The following DNAH10 variants were observed in gnomAD, a reference collection of about 807,000 sequenced individuals.
DNAH10 encodes dynein axonemal heavy chain 10.
DNAH10 carries 348 observed loss-of-function variants against 506.6 expected under a neutral mutation model. That is an observed-to-expected ratio of 0.69 (90% CI 0.63 to 0.75). DNAH10 has a LOEUF of 0.75. DNAH10 is among the 30% of genes least tolerant of loss of function. DNAH10 has a pLI of 0.00. For missense variants in DNAH10, 5,179 were observed against 5,787.1 expected, an observed-to-expected ratio of 0.89 and a Z score of 3.41; for synonymous variants, 2,059 against 2,198.6, an observed-to-expected ratio of 0.94 and a Z score of 1.78.
At chr12:123,838,149 A>G (rs1323899289) in intron 28 of DNAH10, among the ~76,000 whole-genome samples, 1 of 152,070 alleles carries the variant, frequency 6.6e-6, no homozygotes, top group East Asian at 1.9e-4. Context: ...GCACTTCTGT[A>G]GGGTGGGGTG....
At chr12:123,835,613 C>G (rs911493575) in intron 28 of DNAH10, 85 bp downstream of exon 28, 14 of 1,501,412 alleles carry the variant, frequency 9.3e-6, no homozygotes, top group Non-Finnish European at 7.1e-6. Flanking sequence ...ATTGTATTTT[C>G]TCCATTAGTA....
At position 123,927,966 on chromosome 12, in the gene DNAH10, G is replaced by T. The variant is rs556663050; in HGVS notation, c.12106-421G>T. The T allele has an allele frequency of 5.0e-5, 10 of 198,914 alleles. No homozygotes were observed. The South Asian group carries it at 1.4e-3, about 27-fold the overall frequency. 12.3% of individuals were successfully genotyped at this position (198,914 alleles called of 1,614,324 possible). A position where few individuals can be genotyped will look rare whatever the true frequency, so the allele number is the denominator to read the frequency against. ...TGTTTGTGCTTTGAATTACATTTGG[G>T]AGGGGACATGGTGATTGTTTTCCAG... On this transcript the variant is annotated intron_variant, in intron 69 of 78. Coordinates refer to ENST00000673944, the MANE Select transcript of DNAH10 (RefSeq NM_001372106.1).
rs1293933734 is a variant in DNAH10 at position 123,793,528 on chromosome 12, C to T, written c.1816-414C>T. 2.6e-5 allele frequency among the ~76,000 whole-genome samples: 4 copies of T among 152,062 alleles called. No homozygotes were observed. In the South Asian group the frequency reaches 6.2e-4, roughly 24 times the overall value. Reference sequence around the variant, plus strand: ...TAATTTTTTGTATTGTTAGTAGAGACGGGGTTTCACCGTGTTAGCCAGGAT... The same window carrying T: ...TAATTTTTTGTATTGTTAGTAGAGATGGGGTTTCACCGTGTTAGCCAGGAT... On this transcript the variant is annotated intron_variant, in intron 11 of 78. Transcript: ENST00000673944.
chr12:123,797,780 A>C (rs1418657779), intron 13 of DNAH10, among the ~76,000 whole-genome samples: 1 of 152,190 alleles, frequency 6.6e-6, no homozygotes, highest in East Asian at 1.9e-4. Context: ...TTGAATTTTC[A>C]GCTTCTTTGG....
intron 2 of DNAH10, 135 bp from the exon 3 acceptor site, chr12:123,771,466 C>G (rs530398696): frequency 4.1e-6 from 3 of 723,464 alleles, no homozygotes; most frequent in Non-Finnish European, 7.3e-6. Context: ...TTGATTGGAA[C>G]AGAAGGTATG....
At position 123,820,866 on chromosome 12, in the gene DNAH10, C is replaced by T. The variant is rs1050082991; in HGVS notation, c.4179+108C>T. ...ACCATAATAATGAGCTTGGGTCTGA[C>T]GTTGTGGAAACGCTCATTTTGGCCG... On this transcript the variant is annotated intron_variant, in intron 24 of 78. Coordinates refer to ENST00000673944, the MANE Select transcript of DNAH10 (RefSeq NM_001372106.1). 130 of 1,298,006 alleles carry T rather than the reference C, an allele frequency of 1.0e-4. No homozygotes were observed. The African/African-American group carries it at 1.5e-3, about 15-fold the overall frequency. 80.4% of individuals were successfully genotyped at this position (1,298,006 alleles called of 1,614,324 possible).
rs74620270 is a variant in DNAH10, at chr12:123,924,575, T to C, written c.11766+143T>C. 0.011 allele frequency: 11,653 copies of C among 1,086,076 alleles called. 554 individuals carry two copies. In the African/African-American group the frequency reaches 0.12, roughly 12 times the overall value. 67.3% of individuals were successfully genotyped at this position (1,086,076 alleles called of 1,614,324 possible). A position where few individuals can be genotyped will look rare whatever the true frequency, so the allele number is the denominator to read the frequency against. ...TAACTGATGCCCTGTAACTCCCTGA[T>C]TGGAATTCTCCTTTGGCTAATTCAG... On this transcript the variant is annotated intron_variant, in intron 67 of 78. Coordinates refer to ENST00000673944, the MANE Select transcript of DNAH10 (RefSeq NM_001372106.1).
intron 40 of DNAH10, 40 bp downstream of exon 40, chr12:123,864,770 C>A: frequency 6.4e-7 from 1 of 1,566,896 alleles, no homozygotes; most frequent in Non-Finnish European, 8.6e-7. Flanking sequence ...ATAAATCTTT[C>A]TTGTAATTAA....
At position 123,928,677 on chromosome 12, in the gene DNAH10, G is replaced by A; in HGVS notation, c.12306+90G>A. Reference sequence around the variant, plus strand: ...CTGGGGCCGGGGTGTGCCTTTGTCTGTGTAGAAATAAACCTTAGGCTGCAG... The same window carrying A: ...CTGGGGCCGGGGTGTGCCTTTGTCTATGTAGAAATAAACCTTAGGCTGCAG... On this transcript the variant is annotated intron_variant, in intron 70 of 78. Coordinates refer to ENST00000673944, the MANE Select transcript of DNAH10 (RefSeq NM_001372106.1). The surrounding 1 kb of genome is among the most constrained non-coding windows in gnomAD (Gnocchi z 4.9). 1 of 1,408,348 alleles carries A rather than the reference G, an allele frequency of 7.1e-7. No individual in the cohort carries two copies. Among genetic ancestry groups the A allele is most frequent in the Non-Finnish European group, 9.5e-7 (1 of 1,049,482 alleles). 87.2% of individuals were successfully genotyped at this position (1,408,348 alleles called of 1,614,324 possible).
chr12:123,924,805 TG>T (rs1194099763), intron 67 of DNAH10, among the ~76,000 whole-genome samples: 1 of 152,228 alleles, frequency 6.6e-6, no homozygotes, highest in Non-Finnish European at 1.5e-5. Flanking sequence ...AAATAGTTGT[TG>T]GGCATCTGCC....
At position 123,879,723 on chromosome 12, in the gene DNAH10, C is replaced by T. The variant is rs765432779; in HGVS notation, c.8556C>T (p.Phe2852=). The change falls in exon 50 of 79, where the codon TTC becomes TTT. Residue 2852 remains phenylalanine (F), a synonymous_variant. Coordinates refer to ENST00000673944, the MANE Select transcript of DNAH10 (RefSeq NM_001372106.1). ...VMRDPILFGD[F]QMALHEGEPR... is the part of the protein sequence containing the mutation. ...GGGATCCCATATTGTTTGGAGACTT[C>T]CAGATGGCTCTGCACGAAGGAGAAC... 1.8e-5 allele frequency: 29 copies of T among 1,613,848 alleles called. No homozygotes were observed. The highest frequency in any genetic ancestry group is 2.7e-5 in the African/African-American group (2 of 74,900).
Position 123,785,817 on chromosome 12 carries a change from G to A in DNAH10, c.1302G>A (p.Met434Ile). The change falls in exon 9 of 79, where the codon ATG (methionine) becomes ATA (isoleucine). Residue 434 changes from methionine (M) to isoleucine (I), a missense_variant. By Grantham distance (10) the Met-to-Ile change is conservative. This residue lies in a region of DNAH10 where 4,844 missense variants were observed against 5,430.5 expected (regional missense o/e 0.89). Transcript: ENST00000673944. The surrounding 1 kb of genome is among the most constrained non-coding windows in gnomAD (Gnocchi z 4.1). The stretch of plus-strand genomic sequence containing the variant: ...CCGCCATGATGAGTGCCCTGCGGAT[G>A]GTGTGGATCATCTCCCGACACTACA... Reference protein sequence around the residue: ...TIPAMMSALRMVWIISRHYNK... With the variant: ...TIPAMMSALRIVWIISRHYNK... 6.2e-7 allele frequency: 1 copy of A among 1,614,152 alleles called. No homozygotes were observed. Among genetic ancestry groups the A allele is most frequent in the Non-Finnish European group, 8.5e-7 (1 of 1,180,028 alleles).
chr12:123,799,372 G>A lies in DNAH10; in HGVS notation c.2289+1G>A, dbSNP rs765423530. The A allele has an allele frequency of 3.1e-6, 5 of 1,611,462 alleles. No homozygotes were observed. Among genetic ancestry groups the A allele is most frequent in the Non-Finnish European group, 4.2e-6 (5 of 1,178,132 alleles). On this transcript the variant is annotated splice_donor_variant, in intron 14 of 78. Coordinates refer to ENST00000673944, the MANE Select transcript of DNAH10 (RefSeq NM_001372106.1). LOFTEE classifies it high-confidence loss of function. ...CATGAAGAAGAGCCTTTTGACCAAG[G>A]TGCGCTGCCCACGCCCTCATTCCCG...
Position 123,879,374 on chromosome 12 carries a change from CTTCTTCTCAGGAAA to C in DNAH10, c.8466+32_8466+45del, listed in dbSNP as rs1325741449. The C allele has an allele frequency of 2.6e-6, 4 of 1,552,024 alleles. No homozygotes were observed. The highest frequency in any genetic ancestry group is 1.4e-5 in the African/African-American group (1 of 72,918). On this transcript the variant is annotated intron_variant, in intron 49 of 78. Coordinates refer to ENST00000673944, the MANE Select transcript of DNAH10 (RefSeq NM_001372106.1). ...AAGCAGCTGGTCAGTACATCCAATG[CTTCTTCTCAGGAAA>C]TTCTTCTCAGGAAAATAAACAAGCG...
In DNAH10 at chr12:123,903,706, A is replaced by G. The variant is rs1357672153; in HGVS notation, c.9815+593A>G. Among the ~76,000 whole-genome samples, 3 of 152,186 alleles carry G rather than the reference A, an allele frequency of 2.0e-5. No homozygotes were observed. Among genetic ancestry groups the G allele is most frequent in the Non-Finnish European group, 4.4e-5 (3 of 68,026 alleles). On this transcript the variant is annotated intron_variant, in intron 57 of 78. Coordinates refer to ENST00000673944, the MANE Select transcript of DNAH10 (RefSeq NM_001372106.1). This position sits in a 1 kb window ranked among gnomAD's most constrained non-coding sequence, Gnocchi z 4.6. ...GTGGGCTAACAAGCTTTCTCCTCGCATGGCTTGGCCTCCCCAGGGCACTGT... is the reference window on the plus strand; with the variant it reads ...GTGGGCTAACAAGCTTTCTCCTCGCGTGGCTTGGCCTCCCCAGGGCACTGT...
chr12:123,930,654 G>A, intron 73 of DNAH10, 81 bp downstream of exon 73: 1 of 1,513,928 alleles, frequency 6.6e-7, no homozygotes. Context: ...TCCTCTCCTG[G>A]TGGGGGCTCC....
At chr12:123,799,768 G>T (rs1023614892) in intron 14 of DNAH10, among the ~76,000 whole-genome samples, 1 of 152,116 alleles carries the variant, frequency 6.6e-6, no homozygotes, top group African/African-American at 2.4e-5. Context: ...TCAGCTCTGG[G>T]CCCCGCACTT....
chr12:123,860,871 G>T (rs1368247349), intron 38 of DNAH10, 141 bp from the exon 39 acceptor site: 2 of 1,027,006 alleles, frequency 1.9e-6, no homozygotes, highest in African/African-American at 1.6e-5. Context: ...GTGAAGGGAA[G>T]CCCAGTGAAG....
chr12:123,929,571 T>G, intron 71 of DNAH10, 87 bp downstream of exon 71: 1 of 1,572,630 alleles, frequency 6.4e-7, no homozygotes, highest in Non-Finnish European at 8.6e-7. Context: ...CACAGCAGGG[T>G]TGCACCGTTC....
Sources: allele counts gnomAD v4.1 joint callset (sites outside exome capture counted in the v4.1 genomes callset), GRCh38; gene constraint gnomAD v4.1.1; regional missense constraint gnomAD v4.1.1; non-coding constraint Gnocchi (gnomAD v3.1); transcripts MANE v1.5; gene names NCBI Gene and HGNC (gene_info 2026-07-23, HGNC 2026-07-21).